The following PLEKHH2 variants were observed in gnomAD, a reference collection of about 807,000 sequenced individuals.
PLEKHH2 encodes the protein pleckstrin homology, MyTH4 and FERM domain containing H2.
A neutral mutation model predicts 187.9 loss-of-function variants in PLEKHH2; 129 were observed. That is an observed-to-expected ratio of 0.69 (90% confidence interval 0.59 to 0.79). PLEKHH2 has a LOEUF of 0.79. PLEKHH2 is among the 30% of genes least tolerant of loss of function. The pLI is 0.00. For missense variants in PLEKHH2, 2,076 were observed against 1,751.2 expected, an observed-to-expected ratio of 1.19 and a Z score of -3.31; for synonymous variants, 686 against 605.6, an observed-to-expected ratio of 1.13 and a Z score of -1.95.
intron 3 of PLEKHH2, among the ~76,000 whole-genome samples, chr2:43,683,887 G>A (rs1668365527): frequency 6.6e-6 from 1 of 151,890 alleles, no homozygotes; most frequent in South Asian, 2.1e-4. Context: ...AATTTTTAGA[G>A]CAGTTTCAGA....
At chr2:43,733,147 G>A (rs1027540365) in intron 19 of PLEKHH2, among the ~76,000 whole-genome samples, 7 of 152,092 alleles carry the variant, frequency 4.6e-5, no homozygotes, top group Non-Finnish European at 1.0e-4. Context: ...CAGATCATGA[G>A]GTCAGGAGAT....
intron 6 of PLEKHH2, 34 bp downstream of exon 6, chr2:43,695,258 T>A (rs1669030731): frequency 7.8e-7 from 1 of 1,285,500 alleles, no homozygotes; most frequent in Non-Finnish European, 1.1e-6. Flanking sequence ...CTTAGTTGGA[T>A]TTATTTGACT....
At chr2:43,703,250 A>G (rs906443808) in intron 8 of PLEKHH2, among the ~76,000 whole-genome samples, 1 of 152,180 alleles carries the variant, frequency 6.6e-6, no homozygotes, top group Admixed American at 6.5e-5. Flanking sequence ...ATGCATTAGG[A>G]ACCACCTGTG....
intron 2 of PLEKHH2, among the ~76,000 whole-genome samples, chr2:43,654,795 G>C (rs1051592460): frequency 6.6e-6 from 1 of 151,626 alleles, no homozygotes; most frequent in Non-Finnish European, 1.5e-5. Context: ...GGGAGGCTGA[G>C]GTGGGCAGAT....
At chr2:43,645,616 A>G (rs1050140460) in intron 2 of PLEKHH2, among the ~76,000 whole-genome samples, 2 of 152,200 alleles carry the variant, frequency 1.3e-5, no homozygotes, top group Admixed American at 6.5e-5. Flanking sequence ...AGAATGTAAA[A>G]TATCTCAGCA....
chr2:43,697,377 T>C (rs1265782256), intron 7 of PLEKHH2, 21 bp downstream of exon 7: 6 of 1,564,296 alleles, frequency 3.8e-6, no homozygotes, highest in African/African-American at 1.4e-5. Context: ...ACTACAGGAA[T>C]TGACTTTGGC....
At chr2:43,720,187 G>T (rs1228749885) in intron 15 of PLEKHH2, among the ~76,000 whole-genome samples, 3 of 151,990 alleles carry the variant, frequency 2.0e-5, no homozygotes, top group African/African-American at 7.3e-5. Flanking sequence ...TCAGTCCTAG[G>T]CATAGTGTTT....
rs754572069 is a variant in PLEKHH2, at chr2:43,692,512, A to G, written c.187-2A>G. On this transcript the variant is annotated splice_acceptor_variant, in intron 3 of 29. Coordinates refer to ENST00000282406, the MANE Select transcript of PLEKHH2 (RefSeq NM_172069.4). LOFTEE classifies it high-confidence loss of function. ...TTTTAATATTTTATCCTTTGAATTT[A>G]GGTACAAGTTATGGAAGATAAATTA... The G allele has an allele frequency of 1.3e-6, 2 of 1,555,926 alleles. No individual in the cohort carries two copies. The highest frequency in any genetic ancestry group is 1.8e-6 in the Non-Finnish European group (2 of 1,137,842).
intron 27 of PLEKHH2, among the ~76,000 whole-genome samples, chr2:43,759,597 G>A (rs1672349146): frequency 6.6e-6 from 1 of 152,174 alleles, no homozygotes; most frequent in African/African-American, 2.4e-5. Flanking sequence ...TATGCCTTTT[G>A]ATTCCTTTTC....
At chr2:43,708,534 C>T (rs574446661) in intron 11 of PLEKHH2, among the ~76,000 whole-genome samples, 2 of 152,292 alleles carry the variant, frequency 1.3e-5, no homozygotes, top group South Asian at 4.1e-4. Context: ...AAATTGCAGC[C>T]CTTTGTCTTT....
At position 43,690,648 on chromosome 2, in the gene PLEKHH2, T is replaced by G. The variant is rs142279844; in HGVS notation, c.187-1866T>G. On this transcript the variant is annotated intron_variant, in intron 3 of 29. Coordinates refer to ENST00000282406, the MANE Select transcript of PLEKHH2 (RefSeq NM_172069.4). ...TAATTTCTCAAATGCTTTCACATTA[T>G]TTTTTCTCTTTGCCTCTATAATCTG... is the stretch of plus-strand genomic sequence containing the variant. Among the ~76,000 whole-genome samples the G allele has an allele frequency of 7.6e-3, 1,161 of 152,364 alleles. 6 individuals are homozygous for G. Among genetic ancestry groups the G allele is most frequent in the South Asian group, 0.019 (90 of 4,828 alleles).
chr2:43,715,193 C>G (rs1670155914), intron 15 of PLEKHH2, among the ~76,000 whole-genome samples: 1 of 151,660 alleles, frequency 6.6e-6, no homozygotes, highest in Non-Finnish European at 1.5e-5. Flanking sequence ...GGAGAATCGC[C>G]TGAACTTGAG....
At chr2:43,690,581 G>A (rs187288240) in intron 3 of PLEKHH2, among the ~76,000 whole-genome samples, 15 of 152,238 alleles carry the variant, frequency 9.9e-5, no homozygotes, top group Admixed American at 9.8e-4. Context: ...CTTTTCAGAA[G>A]TGTTTTTAAT....
At chr2:43,746,624 A>T (rs1341012177) in intron 24 of PLEKHH2, among the ~76,000 whole-genome samples, 1 of 152,224 alleles carries the variant, frequency 6.6e-6, no homozygotes, top group East Asian at 1.9e-4. Context: ...TGCATTTTTC[A>T]CTTTCATAAT....
intron 19 of PLEKHH2, among the ~76,000 whole-genome samples, chr2:43,734,015 G>A (rs1002654773): frequency 1.3e-5 from 2 of 152,134 alleles, no homozygotes; most frequent in African/African-American, 2.4e-5. Context: ...CAAACTTTAC[G>A]TGTAGATAAT....
intron 19 of PLEKHH2, among the ~76,000 whole-genome samples, chr2:43,735,259 C>G (rs960654362): frequency 6.6e-6 from 1 of 152,090 alleles, no homozygotes; most frequent in African/African-American, 2.4e-5. Context: ...AAACAAAGCC[C>G]TGTCATTTGC....
intron 28 of PLEKHH2, among the ~76,000 whole-genome samples, chr2:43,763,225 T>C (rs1299324486): frequency 1.3e-5 from 2 of 152,182 alleles, no homozygotes; most frequent in Non-Finnish European, 2.9e-5. Flanking sequence ...TATACACCAG[T>C]ACTAAGTTAC....
At position 43,682,529 on chromosome 2, in the gene PLEKHH2, A is replaced by G. The variant is rs368518625; in HGVS notation, c.186+3604A>G. ...ACCATGTTGGCCAGGCTGGTCTCGA[A>G]CTCCTGACCTTGTGATTTGCCCCCC... is the stretch of plus-strand genomic sequence containing the variant. On this transcript the variant is annotated intron_variant, in intron 3 of 29. Transcript: ENST00000282406. 2.0e-5 allele frequency among the ~76,000 whole-genome samples: 3 copies of G among 151,962 alleles called. No homozygotes were observed. The South Asian group carries it at 6.2e-4, about 32-fold the overall frequency.
At chr2:43,721,935 C>T (rs368773609) in intron 16 of PLEKHH2, among the ~76,000 whole-genome samples, 8 of 151,714 alleles carry the variant, frequency 5.3e-5, no homozygotes, top group Middle Eastern at 3.4e-3. Context: ...GGGAAAATGC[C>T]GACATACAAA....
Sources: gnomAD v4.1 joint callset for allele counts (sites outside exome capture counted in the v4.1 genomes callset) on GRCh38, gnomAD v4.1.1 for gene constraint, MANE v1.5 for transcripts, NCBI Gene and HGNC (gene_info 2026-07-23, HGNC 2026-07-21) for gene names.